Variants in CPT1B observed in about 807,000 individuals in gnomAD.
The protein encoded by CPT1B is carnitine O-palmitoyltransferase 1, muscle isoform.
Under a neutral mutation model 92.7 loss-of-function variants are expected in CPT1B, and 57 were observed. The observed-to-expected ratio is 0.62, with a 90% confidence interval of 0.50 to 0.77. The LOEUF (loss-of-function observed/expected upper bound fraction) is 0.77, where lower values mean the gene tolerates loss of function less well. Ranked by LOEUF, CPT1B falls within the 30% of genes least tolerant of loss-of-function variation. The probability of loss-of-function intolerance (pLI) is 0.00; values close to 1 mark genes in which losing one functional copy is unlikely to be tolerated. For synonymous variants in CPT1B, 398 were observed against 383.5 expected, an observed-to-expected ratio of 1.04 and a Z score of -0.44; for missense variants, 983 against 1,017.4, an observed-to-expected ratio of 0.97 and a Z score of 0.46.
intron 13 of CPT1B, 142 bp from the exon 14 acceptor site, chr22:50,571,681 C>G: frequency 1.0e-6 from 1 of 971,502 alleles, no homozygotes; most frequent in Non-Finnish European, 1.5e-6. Flanking sequence ...ACGCAAAAGA[C>G]AGTCTGAGGG....
rs1412078861 is a variant in CPT1B, at chr22:50,576,924, A to C, written c.392T>G (p.Leu131Arg). ...AAACATCCACCCATGGTAGCAGAGA[A>C]GCAGCTTCAGGGTTTGGCGGAAGAA... ...IFFFRQTLKL[L>R]LCYHGWMFEM... is the part of the protein sequence containing the mutation. The change falls in exon 4 of 20, where the codon CTT becomes CGT. Residue 131 changes from leucine to arginine, a missense_variant. Leu to Arg is a moderately radical substitution (Grantham distance 102). Transcript: ENST00000312108. The C allele has an allele frequency of 6.2e-7, 1 of 1,613,986 alleles. No individual in the cohort carries two copies. Among genetic ancestry groups the C allele is most frequent in the Non-Finnish European group, 8.5e-7 (1 of 1,180,030 alleles).
At chr22:50,574,313 A>G in intron 9 of CPT1B, 22 bp downstream of exon 9, 1 of 1,593,732 alleles carries the variant, frequency 6.3e-7, no homozygotes, top group Non-Finnish European at 8.6e-7. Flanking sequence ...GCCCACAGGT[A>G]GCAGCGAGGG....
chr22:50,570,259 G>A, intron 17 of CPT1B, 34 bp downstream of exon 17: 2 of 1,478,232 alleles, frequency 1.4e-6, no homozygotes, highest in Non-Finnish European at 9.2e-7. Flanking sequence ...CAGGGCCCTG[G>A]TGCTGCCCAC....
At chr22:50,575,636 G>C (rs1204293752) in intron 7 of CPT1B, among the ~76,000 whole-genome samples, 1 of 152,192 alleles carries the variant, frequency 6.6e-6, no homozygotes, top group African/African-American at 2.4e-5. Flanking sequence ...TCTGCTGTCC[G>C]GCTCTGCAGA....
chr22:50,573,904 C>A lies in CPT1B; in HGVS notation c.971-189G>T, dbSNP rs1208060510. On this transcript the variant is annotated intron_variant, in intron 9 of 19. Transcript: ENST00000312108. This position sits in a 1 kb window ranked among gnomAD's most constrained non-coding sequence, Gnocchi z 5.0. Reference sequence around the variant, plus strand: ...TGTGCTGGGTGCTTCCACTCTCTCTCACGCAACACCAACAATCCTATAAAG... The same window carrying A: ...TGTGCTGGGTGCTTCCACTCTCTCTAACGCAACACCAACAATCCTATAAAG... 1.1e-5 allele frequency: 8 copies of A among 716,540 alleles called. No homozygotes were observed. The highest frequency in any genetic ancestry group is 2.1e-5 in the Non-Finnish European group (8 of 385,662). 44.4% of individuals were successfully genotyped at this position (716,540 alleles called of 1,614,324 possible). A position where few individuals can be genotyped will look rare whatever the true frequency, so the allele number is the denominator to read the frequency against.
In CPT1B at chr22:50,569,336, C is replaced by G; in HGVS notation, c.*2G>C. 6.2e-7 allele frequency: 1 copy of G among 1,613,936 alleles called. No homozygotes were observed. The highest frequency in any genetic ancestry group is 8.5e-7 in the Non-Finnish European group (1 of 1,179,898). On this transcript the variant is annotated splice_region_variant and 3_prime_UTR_variant, in exon 19 of 20. Coordinates refer to ENST00000312108, the MANE Select transcript of CPT1B (RefSeq NM_152246.3). The stretch of plus-strand genomic sequence containing the variant: ...AAAGGGCAGCTGGCATTTCTCCAAC[C>G]TTCAGCTGTAGGCCTTGGGAACTTG...
chr22:50,571,334 T>C, intron 14 of CPT1B, 41 bp downstream of exon 14: 1 of 1,613,664 alleles, frequency 6.2e-7, no homozygotes, highest in Non-Finnish European at 8.5e-7. Context: ...TGGACCCTGG[T>C]ACCACCCTGC....
rs1025134975 is a variant in CPT1B, at chr22:50,571,492, T to A, written c.1623A>T (p.Ala541=). 1.2e-6 allele frequency: 2 copies of A among 1,613,588 alleles called. No individual in the cohort carries two copies. The highest frequency in any genetic ancestry group is 3.3e-5 in the Admixed American group (2 of 60,028). ...GGAAGCAGTACAACTCCACGTCGTCTGCCAACGCCTTGGCCACCTGGTAGG... is the reference window on the plus strand; with the variant it reads ...GGAAGCAGTACAACTCCACGTCGTCAGCCAACGCCTTGGCCACCTGGTAGG... ...ESSYQVAKAL[A]DDVELYCFQF... The change falls in exon 14 of 20, where the codon GCA becomes GCT. Residue 541 remains alanine (A), a synonymous_variant. Transcript: ENST00000312108.
intron 1 of CPT1B, 99 bp from the exon 2 acceptor site, chr22:50,578,033 C>A: frequency 2.5e-6 from 2 of 785,902 alleles, no homozygotes; most frequent in South Asian, 6.2e-5. Flanking sequence ...CTCGCGCCCC[C>A]CACCCCGCGA....
chr22:50,570,328 G>C lies in CPT1B; in HGVS notation c.2107C>G (p.Pro703Ala). Residue 703 changes from proline to alanine, a missense_variant, in exon 17 of 20, where the codon CCC becomes GCC. Coordinates refer to ENST00000312108, the MANE Select transcript of CPT1B (RefSeq NM_152246.3). The stretch of plus-strand genomic sequence containing the variant: ...CCACCTCCAGCGCCCAGGTGATTGG[G>C]GTGCTGCTCTGGGTCGAACATGCGG... ...QIRMFDPEQH[P>A]NHLGAGGGFG... 1 of 1,601,624 alleles carries C rather than the reference G, an allele frequency of 6.2e-7. No individual in the cohort carries two copies. The highest frequency in any genetic ancestry group is 8.5e-7 in the Non-Finnish European group (1 of 1,171,894).
chr22:50,569,680 A>C lies in CPT1B; in HGVS notation c.2143-12T>G. On this transcript the variant is annotated splice_polypyrimidine_tract_variant and intron_variant, in intron 17 of 19. Transcript: ENST00000312108. ...CCATCATCTGCTACCTGAGGGCAACAAGAAGGGTGAAGAAGGCATAAATCA... is the reference window on the plus strand; with the variant it reads ...CCATCATCTGCTACCTGAGGGCAACCAGAAGGGTGAAGAAGGCATAAATCA... The C allele has an allele frequency of 6.3e-7, 1 of 1,584,318 alleles. No homozygotes were observed. Among genetic ancestry groups the C allele is most frequent in the African/African-American group, 1.3e-5 (1 of 74,432 alleles).
chr22:50,578,063 C>T (rs2092787281), intron 1 of CPT1B, 129 bp from the exon 2 acceptor site: 3 of 471,686 alleles, frequency 6.4e-6, no homozygotes, highest in African/African-American at 2.1e-5. Context: ...GCCCCCGGCC[C>T]GCGCCCCCCG....
At chr22:50,577,285 C>T in intron 3 of CPT1B, 39 bp downstream of exon 3, 1 of 1,610,454 alleles carries the variant, frequency 6.2e-7, no homozygotes, top group Non-Finnish European at 8.5e-7. Context: ...GCCCAGCCCT[C>T]CCTGGTGGCA....
intron 4 of CPT1B, 92 bp from the exon 5 acceptor site, chr22:50,576,729 C>G: frequency 6.4e-7 from 1 of 1,555,450 alleles, no homozygotes; most frequent in Middle Eastern, 1.7e-4. Flanking sequence ...GCCATCCCAG[C>G]CCCTCCAGGA....
Position 50,577,469 on chromosome 22 carries a change from G to A in CPT1B, c.142-6C>T. 13 of 1,613,304 alleles carry A rather than the reference G, an allele frequency of 8.1e-6. No individual in the cohort carries two copies. The highest frequency in any genetic ancestry group is 1.1e-5 in the South Asian group (1 of 91,082). ...ACGCCCCTGAGGATGCCATTCTGTG[G>A]GCAGAAACAGGCGCCCTTATGGAGC... is the stretch of plus-strand genomic sequence containing the variant. On this transcript the variant is annotated splice_region_variant and splice_polypyrimidine_tract_variant and intron_variant, in intron 2 of 19. Coordinates refer to ENST00000312108, the MANE Select transcript of CPT1B (RefSeq NM_152246.3).
chr22:50,570,319 G>A lies in CPT1B; in HGVS notation c.2116C>T (p.Leu706=). Residue 706 remains leucine (L), a synonymous_variant, in exon 17 of 20, where the codon CTG becomes TTG. Coordinates refer to ENST00000312108, the MANE Select transcript of CPT1B (RefSeq NM_152246.3). ...MFDPEQHPNH[L]GAGGGFGPVA... is the part of the protein sequence containing the mutation. Reference sequence around the variant, plus strand: ...GGGCCAAAGCCACCTCCAGCGCCCAGGTGATTGGGGTGCTGCTCTGGGTCG... The same window carrying A: ...GGGCCAAAGCCACCTCCAGCGCCCAAGTGATTGGGGTGCTGCTCTGGGTCG... 1.3e-6 allele frequency: 2 copies of A among 1,597,224 alleles called. No homozygotes were observed. The highest frequency in any genetic ancestry group is 1.3e-5 in the African/African-American group (1 of 74,652).
At chr22:50,571,947 G>A in intron 13 of CPT1B, 59 bp downstream of exon 13, 3 of 1,503,432 alleles carry the variant, frequency 2.0e-6, no homozygotes, top group Non-Finnish European at 1.8e-6. Flanking sequence ...GGCCTCGTCG[G>A]GGCTGTACCC....
At chr22:50,571,804 T>C (rs2070188315) in intron 13 of CPT1B, 1 of 668,536 alleles carries the variant, frequency 1.5e-6, no homozygotes, top group South Asian at 1.8e-5. Flanking sequence ...TAAACACAGA[T>C]GGCCCCAGGG....
intron 11 of CPT1B, 89 bp downstream of exon 11, chr22:50,572,786 T>A: frequency 7.0e-7 from 1 of 1,435,330 alleles, no homozygotes; most frequent in South Asian, 1.3e-5. Flanking sequence ...ACCCAGCTCA[T>A]AACCCTACCT....
Sources: allele counts gnomAD v4.1 joint callset (sites outside exome capture counted in the v4.1 genomes callset), GRCh38; gene constraint gnomAD v4.1.1; non-coding constraint Gnocchi (gnomAD v3.1); transcripts MANE v1.5; gene names NCBI Gene and HGNC (gene_info 2026-07-23, HGNC 2026-07-21).